TUSC3: variants seen among roughly 807,000 people sequenced by gnomAD.
TUSC3 encodes the protein dolichyl-diphosphooligosaccharide--protein glycosyltransferase subunit TUSC3.
A neutral mutation model predicts 44.8 loss-of-function variants in TUSC3; 45 were observed. That is an observed-to-expected ratio of 1.00 (90% CI 0.79 to 1.29). TUSC3 has a LOEUF of 1.29. Among genes scored for constraint, TUSC3 ranks in the 50% most tolerant of loss-of-function variants. The pLI, the probability that TUSC3 is intolerant of heterozygous loss-of-function variation, is 0.00. For missense variants in TUSC3, 519 were observed against 437.9 expected, an observed-to-expected ratio of 1.19 and a Z score of -1.65; for synonymous variants, 212 against 152.9, an observed-to-expected ratio of 1.39 and a Z score of -2.85.
At chr8:15,634,825 C>G (rs1269435448) in intron 2 of TUSC3, among the ~76,000 whole-genome samples, 2 of 152,198 alleles carry the variant, frequency 1.3e-5, no homozygotes, top group Non-Finnish European at 2.9e-5. Flanking sequence ...TACTAACACC[C>G]AGATTATCAG....
At chr8:15,749,732 G>GTT (rs71211080) in intron 9 of TUSC3, among the ~76,000 whole-genome samples, 5 of 140,370 alleles carry the variant, frequency 3.6e-5, no homozygotes, top group African/African-American at 5.3e-5. Flanking sequence ...GAAAGATGAA[G>GTT]TTTTTTTTTT....
At chr8:15,469,050 A>G (rs545225208) in intron 1 of TUSC3, among the ~76,000 whole-genome samples, 1 of 152,204 alleles carries the variant, frequency 6.6e-6, no homozygotes, top group African/African-American at 2.4e-5. Flanking sequence ...GGAAAGTCAG[A>G]ATAAAAACGA....
At chr8:15,701,635 A>G (rs1238370311) in intron 6 of TUSC3, among the ~76,000 whole-genome samples, 2 of 152,174 alleles carry the variant, frequency 1.3e-5, no homozygotes, top group Admixed American at 1.3e-4. Flanking sequence ...TTAGAATTTA[A>G]CTGCAGTAAG....
At chr8:15,485,466 T>TC (rs1402411006) in intron 2 of TUSC3, among the ~76,000 whole-genome samples, 2 of 141,448 alleles carry the variant, frequency 1.4e-5, no homozygotes, top group Non-Finnish European at 3.1e-5. Flanking sequence ...TCTGTTGTCT[T>TC]TTTTTTTTTG....
In TUSC3 at chr8:15,753,702, AATG is replaced by A. The variant is rs766324988; in HGVS notation, c.1029-4080_1029-4078del. ...CAGTTATTTTATCAACTCTCTTGTG[AATG>A]ATGATGATAACTGCCTGACAAACAT... On this transcript the variant is annotated intron_variant, in intron 9 of 10. Coordinates refer to ENST00000503731, the MANE Select transcript of TUSC3 (RefSeq NM_006765.4). Among the ~76,000 whole-genome samples the A allele has an allele frequency of 2.4e-4, 36 of 152,086 alleles. No individual in the cohort carries two copies. In the East Asian group the frequency reaches 4.2e-3, roughly 18 times the overall value.
At chr8:15,660,816 T>G (rs1290146997) in intron 4 of TUSC3, among the ~76,000 whole-genome samples, 1 of 151,618 alleles carries the variant, frequency 6.6e-6, no homozygotes, top group Non-Finnish European at 1.5e-5. Context: ...TACTATTGTT[T>G]CCTTATAAGA....
At chr8:15,478,192 C>G (rs999390841) in intron 1 of TUSC3, among the ~76,000 whole-genome samples, 2 of 152,076 alleles carry the variant, frequency 1.3e-5, no homozygotes, top group African/African-American at 4.8e-5. Flanking sequence ...TCTCAAAGTC[C>G]GGGCCTCAAG....
Position 15,686,709 on chromosome 8 carries a change from G to C in TUSC3, c.798+12873G>C, listed in dbSNP as rs182212339. Among the ~76,000 whole-genome samples, 293 of 152,048 alleles carry C rather than the reference G, an allele frequency of 1.9e-3. 1 individual carries two copies. The highest frequency in any genetic ancestry group is 6.6e-3 in the African/African-American group (276 of 41,512). ...AAATATTTACAAAGGGCATTCAGTA[G>C]CTTTATTACAGTCTTCATACCACCA... On this transcript the variant is annotated intron_variant, in intron 6 of 10. Coordinates refer to ENST00000503731, the MANE Select transcript of TUSC3 (RefSeq NM_006765.4).
At chr8:15,550,526 G>T (rs1327262078) in intron 1 of TUSC3, among the ~76,000 whole-genome samples, 1 of 151,722 alleles carries the variant, frequency 6.6e-6, no homozygotes, top group East Asian at 2.0e-4. Context: ...GTATTCTCAT[G>T]CTCCATTATC....
At chr8:15,802,750 GA>G in the TUSC3 span, among the ~76,000 whole-genome samples, 2 of 151,390 alleles carry the variant, frequency 1.3e-5, no homozygotes, top group African/African-American at 2.4e-5. Context: ...TCAGATAAAA[GA>G]AAAAATTCAT....
the TUSC3 span, among the ~76,000 whole-genome samples, chr8:15,824,494 A>C: frequency 0.14 from 21,298 of 151,852 alleles, 1,669 homozygotes; most frequent in African/African-American, 0.21. Context: ...GCTGCTCAGC[A>C]AACTATCGCA....
chr8:15,547,538 A>G (rs950125501), intron 1 of TUSC3, among the ~76,000 whole-genome samples: 3 of 151,886 alleles, frequency 2.0e-5, no homozygotes, highest in Admixed American at 6.6e-5. Context: ...GAAAATAAAA[A>G]TAAAACAAGC....
intron 6 of TUSC3, 114 bp downstream of exon 6, chr8:15,673,950 A>G (rs1808070651): frequency 2.3e-6 from 2 of 878,686 alleles, no homozygotes; most frequent in Non-Finnish European, 1.8e-6. Flanking sequence ...GTCAAAATAT[A>G]TATTCTTTCT....
the TUSC3 span, among the ~76,000 whole-genome samples, chr8:15,772,097 A>AAAAAAG: frequency 6.6e-6 from 1 of 152,086 alleles, no homozygotes; most frequent in Non-Finnish European, 1.5e-5. Context: ...TCAAAAAGAA[A>AAAAAAG]AAAAAGAAAA....
At chr8:15,591,292 A>G (rs1456976696) in intron 1 of TUSC3, among the ~76,000 whole-genome samples, 1 of 151,898 alleles carries the variant, frequency 6.6e-6, no homozygotes, top group Non-Finnish European at 1.5e-5. Flanking sequence ...GTTTGGATAA[A>G]TTGAGGGTTT....
chr8:15,625,103 A>ACTTTATGTAGTTTTTCTTGCCT (rs1428274835), intron 2 of TUSC3, among the ~76,000 whole-genome samples: 3 of 151,952 alleles, frequency 2.0e-5, no homozygotes, highest in Admixed American at 6.6e-5. Flanking sequence ...TTTTGTTGTC[A>ACTTTATGTAGTTTTTCTTGCCT]CTTTATGTAG....
At chr8:15,650,399 C>A (rs893618028) in intron 2 of TUSC3, among the ~76,000 whole-genome samples, 2 of 152,074 alleles carry the variant, frequency 1.3e-5, no homozygotes, top group African/African-American at 2.4e-5. Flanking sequence ...CTTTGTGATA[C>A]ATGTAGTTGC....
rs78959739 is a variant in TUSC3 at position 15,734,942 on chromosome 8, A to C, written c.862+4213A>C. ...AATGAAGACCTTGCTGAGAAATTTG[A>C]ATCTTAGCTACACGTAGTAGATGCA... On this transcript the variant is annotated intron_variant, in intron 7 of 10. Coordinates refer to ENST00000503731, the MANE Select transcript of TUSC3 (RefSeq NM_006765.4). 1.2e-4 allele frequency among the ~76,000 whole-genome samples: 18 copies of C among 152,322 alleles called. 1 individual carries two copies. The East Asian group carries it at 3.3e-3, about 28-fold the overall frequency.
At chr8:15,621,245 G>A (rs1330521007) in intron 1 of TUSC3, among the ~76,000 whole-genome samples, 1 of 151,558 alleles carries the variant, frequency 6.6e-6, no homozygotes, top group African/African-American at 2.4e-5. Context: ...TTGGTTCATT[G>A]TGTGTATTGG....
Sources: allele counts gnomAD v4.1 joint callset (sites outside exome capture counted in the v4.1 genomes callset), GRCh38; gene constraint gnomAD v4.1.1; transcripts MANE v1.5; gene names NCBI Gene and HGNC (gene_info 2026-07-23, HGNC 2026-07-21).